SUN3: variants seen among roughly 807,000 people sequenced by gnomAD.
SUN3 encodes SUN domain-containing protein 3.
SUN3 carries 36 observed loss-of-function variants against 48.2 expected under a neutral mutation model. The ratio of observed to expected loss-of-function variants is 0.75; its 90% CI spans 0.57 to 0.99. The LOEUF is 0.99. Among genes scored for constraint, SUN3 ranks in the 50% least tolerant of loss-of-function variants. The pLI is 0.00. For synonymous variants in SUN3, 148 were observed against 147.9 expected, an observed-to-expected ratio of 1.00 and a Z score of 0.00; for missense variants, 419 against 433.1, an observed-to-expected ratio of 0.97 and a Z score of 0.29.
At chr7:48,029,674 T>C (rs555863309), upstream of SUN3, among the ~76,000 whole-genome samples, 1 of 152,308 alleles carries the variant, frequency 6.6e-6, no homozygotes, top group South Asian at 2.1e-4. Flanking sequence ...GGAATAATGC[T>C]CATTGCACGT....
At chr7:48,024,308 C>G (rs753156960) in intron 2 of SUN3, among the ~76,000 whole-genome samples, 1 of 152,036 alleles carries the variant, frequency 6.6e-6, no homozygotes, top group Non-Finnish European at 1.5e-5. Context: ...AAAAACTCTT[C>G]CAACTCAACA....
At chr7:47,995,470 T>C (rs1789185199) in intron 7 of SUN3, among the ~76,000 whole-genome samples, 1 of 152,212 alleles carries the variant, frequency 6.6e-6, no homozygotes, top group Admixed American at 6.5e-5. Context: ...GTTTTACCCC[T>C]GAAAGTTCTA....
chr7:48,007,427 T>G (rs1261786078), intron 4 of SUN3, 100 bp from the exon 5 acceptor site: 1 of 1,074,820 alleles, frequency 9.3e-7, no homozygotes, highest in East Asian at 2.5e-5. Context: ...TGCTTTATAT[T>G]GTTGAAGATA....
upstream of SUN3, among the ~76,000 whole-genome samples, chr7:48,029,295 G>A (rs903311023): frequency 6.6e-6 from 1 of 152,120 alleles, no homozygotes; most frequent in Non-Finnish European, 1.5e-5. Flanking sequence ...TGGATGTTTT[G>A]CTGTGTTTGC....
chr7:48,018,339 T>G (rs1349326442), intron 2 of SUN3, among the ~76,000 whole-genome samples: 1 of 152,120 alleles, frequency 6.6e-6, no homozygotes, highest in East Asian at 1.9e-4. Flanking sequence ...GATAGTGGAA[T>G]AGCAAACATA....
intron 8 of SUN3, among the ~76,000 whole-genome samples, chr7:47,992,163 A>G (rs1789083823): frequency 1.3e-5 from 2 of 152,178 alleles, no homozygotes; most frequent in Non-Finnish European, 2.9e-5. Context: ...ACGACGGATG[A>G]GCCCCACCGT....
chr7:48,027,332 T>C (rs1790162508), intron 1 of SUN3, among the ~76,000 whole-genome samples: 1 of 152,226 alleles, frequency 6.6e-6, no homozygotes, highest in South Asian at 2.1e-4. Context: ...ACATGGTTTC[T>C]GATGAAGACA....
At chr7:48,013,867 G>T (rs1285054247) in intron 3 of SUN3, among the ~76,000 whole-genome samples, 1 of 152,188 alleles carries the variant, frequency 6.6e-6, no homozygotes, top group African/African-American at 2.4e-5. Flanking sequence ...CAGTGCTCTT[G>T]TCTGTGTGAA....
chr7:48,008,767 T>TA (rs1236013245), intron 4 of SUN3, among the ~76,000 whole-genome samples: 1 of 152,210 alleles, frequency 6.6e-6, no homozygotes, highest in East Asian at 1.9e-4. Context: ...TAATACTAAA[T>TA]ACAGCATGGG....
chr7:48,027,394 G>A (rs1790163900), intron 1 of SUN3, among the ~76,000 whole-genome samples: 1 of 152,100 alleles, frequency 6.6e-6, no homozygotes, highest in African/African-American at 2.4e-5. Context: ...ATGGGTCATA[G>A]GATACATGCA....
At chr7:48,001,475 T>A (rs947517378) in intron 6 of SUN3, among the ~76,000 whole-genome samples, 1 of 151,656 alleles carries the variant, frequency 6.6e-6, no homozygotes, top group Admixed American at 6.6e-5. Flanking sequence ...ATTTTCTTTA[T>A]CCAGTCTATC....
chr7:48,032,757 G>A (rs1281958377), upstream of SUN3, among the ~76,000 whole-genome samples: 1 of 152,202 alleles, frequency 6.6e-6, no homozygotes, highest in Non-Finnish European at 1.5e-5. Context: ...GGTTGGAGAG[G>A]GGAATTATAC....
chr7:48,035,394 C>A, the SUN3 span: 1 of 620,858 alleles, frequency 1.6e-6, no homozygotes, highest in East Asian at 2.9e-5. This position sits in a 1 kb window ranked among gnomAD's most constrained non-coding sequence, Gnocchi z 4.0. Flanking sequence ...AGGCGGCGCC[C>A]GCGCTCCGCT....
At chr7:48,032,036 T>C (rs908253937), upstream of SUN3, among the ~76,000 whole-genome samples, 1 of 152,192 alleles carries the variant, frequency 6.6e-6, no homozygotes, top group Non-Finnish European at 1.5e-5. Flanking sequence ...ATCTAATTTA[T>C]ATGTGGAGCC....
intron 6 of SUN3, among the ~76,000 whole-genome samples, chr7:48,004,117 A>T (rs1375752312): frequency 1.3e-5 from 2 of 152,118 alleles, no homozygotes; most frequent in African/African-American, 4.8e-5. Flanking sequence ...AAGTGTACTT[A>T]CTTTCACCTC....
upstream of SUN3, among the ~76,000 whole-genome samples, chr7:48,033,105 G>T (rs1287350632): frequency 6.6e-6 from 1 of 152,190 alleles, no homozygotes; most frequent in Non-Finnish European, 1.5e-5. Context: ...CGATTATGTG[G>T]TAGAAAGATG....
At chr7:48,033,800 A>G (rs1488677281), upstream of SUN3, among the ~76,000 whole-genome samples, 1 of 152,174 alleles carries the variant, frequency 6.6e-6, no homozygotes, top group East Asian at 1.9e-4. Flanking sequence ...CCATGCCTGT[A>G]ATCCCAGCAC....
At chr7:47,996,200 C>T (rs746238450) in intron 6 of SUN3, 54 bp from the exon 7 acceptor site, 79 of 984,368 alleles carry the variant, frequency 8.0e-5, no homozygotes, top group Non-Finnish European at 1.1e-4. Context: ...CAATTCAAAA[C>T]ACATCATTTG....
At position 47,996,067 on chromosome 7, in the gene SUN3, G is replaced by A. The variant is rs374739577; in HGVS notation, c.657C>T (p.Phe219=). Residue 219 remains phenylalanine, a synonymous_variant, in exon 7 of 10, where the codon TTC becomes TTT. Coordinates refer to ENST00000297325, the MANE Select transcript of SUN3 (RefSeq NM_001030019.2). ...KAKLYWHGIG[F]LNHEMPPDII... ...TATCTGGAGGCATTTCATGATTTAG[G>A]AAACCTATCCCATGCCAGTACAATT... is the stretch of plus-strand genomic sequence containing the variant. 15 of 1,587,726 alleles carry A rather than the reference G, an allele frequency of 9.4e-6. No individual in the cohort carries two copies. Among genetic ancestry groups the A allele is most frequent in the Non-Finnish European group, 1.3e-5 (15 of 1,171,110 alleles).
Sources: allele counts gnomAD v4.1 joint callset (sites outside exome capture counted in the v4.1 genomes callset), GRCh38; gene constraint gnomAD v4.1.1; non-coding constraint Gnocchi (gnomAD v3.1); transcripts MANE v1.5; gene names NCBI Gene and HGNC (gene_info 2026-07-23, HGNC 2026-07-21).